The following CNR1 variants were observed in gnomAD, a reference collection of about 807,000 sequenced individuals.
CNR1 encodes cannabinoid receptor 1 (brain).
CNR1 carries 10 observed loss-of-function variants against 23.0 expected under a neutral mutation model. The observed-to-expected ratio is 0.43, with a 90% CI of 0.27 to 0.74. The LOEUF is 0.74. CNR1 is among the 30% of genes least tolerant of loss of function. The probability of loss-of-function intolerance (pLI) is 0.19; values close to 1 mark genes in which losing one functional copy is unlikely to be tolerated. For missense variants in CNR1, 422 were observed against 618.8 expected (o/e 0.68, Z 3.37); for synonymous variants, 271 against 255.2 (o/e 1.06, Z -0.59).
In CNR1 at chr6:88,143,068, A is replaced by T. The variant is rs141630645; in HGVS notation, c.*788T>A. The T allele has an allele frequency of 6.6e-6, 1 of 152,490 alleles. No homozygotes were observed. The highest frequency in any genetic ancestry group is 1.5e-5 in the Non-Finnish European group (1 of 68,046). The allele number at this position is 152,490 out of a possible 1,614,324, so 9.4% of individuals were successfully genotyped here. On this transcript the variant is annotated 3_prime_UTR_variant, in exon 2 of 2. Coordinates refer to ENST00000369501, the MANE Select transcript of CNR1 (RefSeq NM_016083.6). The stretch of plus-strand genomic sequence containing the variant: ...TCTTCCATTCTGATTATAATCCATT[A>T]GAACAGCTATAGTCCAGAAGATAAT...
intron 1 of CNR1, among the ~76,000 whole-genome samples, chr6:88,149,541 C>T (rs961280237): frequency 6.6e-6 from 1 of 152,200 alleles, no homozygotes; most frequent in Non-Finnish European, 1.5e-5. Context: ...CTTACATGGT[C>T]CTTGCACATC....
chr6:88,143,868 G>A lies in CNR1; in HGVS notation c.1407C>T (p.Ala469=), dbSNP rs776465774. ...VTMSVSTDTS[A]EAL is the part of the protein sequence containing the mutation. ...GGAGGCATCAGGCTCACAGAGCCTC[G>A]GCAGACGTGTCTGTGGACACAGACA... is the stretch of plus-strand genomic sequence containing the variant. The change falls in exon 2 of 2, where the codon GCC becomes GCT. Residue 469 remains alanine, a synonymous_variant. Coordinates refer to ENST00000369501, the MANE Select transcript of CNR1 (RefSeq NM_016083.6). The A allele has an allele frequency of 5.0e-5, 80 of 1,612,836 alleles. No individual in the cohort carries two copies. The Admixed American group carries it at 8.5e-4, about 17-fold the overall frequency.
rs2127824070 is a variant in CNR1, at chr6:88,143,193, A to C, written c.*663T>G. ...CAAATTCTTCTTGTTGAGGTAACAG[A>C]AAAATAAACCTTTACGGTTATTTCA... On this transcript the variant is annotated 3_prime_UTR_variant, in exon 2 of 2. Transcript: ENST00000369501. The C allele has an allele frequency of 6.6e-6, 1 of 152,530 alleles. No individual in the cohort carries two copies. Among genetic ancestry groups the C allele is most frequent in the Admixed American group, 6.5e-5 (1 of 15,304 alleles). 9.4% of individuals were successfully genotyped at this position (152,530 alleles called of 1,614,324 possible).
rs1393073374 is a variant in CNR1 at position 88,145,674 on chromosome 6, C to G, written c.-63-337G>C. Among the ~76,000 whole-genome samples the G allele has an allele frequency of 9.0e-4, 137 of 152,206 alleles. 2 individuals are homozygous for G. The highest frequency in any genetic ancestry group is 9.0e-3 in the Admixed American group (137 of 15,276). On this transcript the variant is annotated intron_variant, in intron 1 of 1. Coordinates refer to ENST00000369501, the MANE Select transcript of CNR1 (RefSeq NM_016083.6). Reference sequence around the variant, plus strand: ...TGTTTCTTGGGGACAATGTCCATTTCATAGTCACGTTAGGAAGTGTTTAGC... The same window carrying G: ...TGTTTCTTGGGGACAATGTCCATTTGATAGTCACGTTAGGAAGTGTTTAGC...
chr6:88,144,390 C>T lies in CNR1; in HGVS notation c.885G>A (p.Met295Ile). ...VLLLFIVYAY[M>I]YILWKAHSHA... ...GGCTGTGAGCCTTCCAGAGAATATA[C>T]ATGTACGCATACACGATGAACAGAA... is the stretch of plus-strand genomic sequence containing the variant. Residue 295 changes from methionine (M) to isoleucine (I), a missense_variant, in exon 2 of 2, where the codon ATG (methionine) becomes ATA (isoleucine). This residue lies in a region of CNR1 where 211 missense variants were observed against 357.3 expected (regional missense o/e 0.59). Transcript: ENST00000369501. The surrounding 1 kb of genome is among the most constrained non-coding windows in gnomAD (Gnocchi z 7.8). 6.2e-7 allele frequency: 1 copy of T among 1,614,090 alleles called. No individual in the cohort carries two copies. Among genetic ancestry groups the T allele is most frequent in the Non-Finnish European group, 8.5e-7 (1 of 1,180,044 alleles).
At position 88,143,811 on chromosome 6, in the gene CNR1, TAAA is replaced by T; in HGVS notation, c.*42_*44del. 8.1e-7 allele frequency: 1 copy of T among 1,234,332 alleles called. No homozygotes were observed. Among genetic ancestry groups the T allele is most frequent in the Non-Finnish European group, 1.1e-6 (1 of 901,038 alleles). 76.5% of individuals were successfully genotyped at this position (1,234,332 alleles called of 1,614,324 possible). On this transcript the variant is annotated 3_prime_UTR_variant, in exon 2 of 2. Transcript: ENST00000369501. ...AATAGACTCTTCTAGATTTTGAGCT[TAAA>T]AAAAAAAATTCTTTTCCTGTGCTGC...
At chr6:88,149,083 A>G (rs1777377214) in intron 1 of CNR1, among the ~76,000 whole-genome samples, 1 of 152,228 alleles carries the variant, frequency 6.6e-6, no homozygotes, top group Non-Finnish European at 1.5e-5. Flanking sequence ...GGTACAAGCC[A>G]CACAGAGGCA....
chr6:88,165,174 A>G (rs1446744059), intron 1 of CNR1, among the ~76,000 whole-genome samples: 1 of 152,236 alleles, frequency 6.6e-6, no homozygotes, highest in Non-Finnish European at 1.5e-5. Context: ...TACAGCAAAC[A>G]TATTTTTATT....
intron 1 of CNR1, among the ~76,000 whole-genome samples, chr6:88,154,792 C>T (rs947224807): frequency 2.0e-5 from 3 of 151,986 alleles, no homozygotes; most frequent in Non-Finnish European, 2.9e-5. Flanking sequence ...TTTGCTGGGC[C>T]GGCCTTGAAC....
At chr6:88,161,885 A>G (rs1313229512) in intron 1 of CNR1, among the ~76,000 whole-genome samples, 2 of 152,168 alleles carry the variant, frequency 1.3e-5, no homozygotes, top group Non-Finnish European at 2.9e-5. Context: ...ATATATAAAA[A>G]CTATAACTAT....
intron 1 of CNR1, among the ~76,000 whole-genome samples, chr6:88,165,207 T>G (rs1778306683): frequency 6.6e-6 from 1 of 152,212 alleles, no homozygotes; most frequent in Non-Finnish European, 1.5e-5. Context: ...CGTTTATGAT[T>G]TGTAAGCCTT....
intron 1 of CNR1, among the ~76,000 whole-genome samples, chr6:88,147,969 C>T (rs1777296729): frequency 6.6e-6 from 1 of 152,208 alleles, no homozygotes. Context: ...ACCTGTCTCC[C>T]TAAACAGGAT....
rs1776976754 is a variant in CNR1 at position 88,143,895 on chromosome 6, G to T, written c.1380C>A (p.Thr460=). 6.2e-7 allele frequency: 1 copy of T among 1,614,084 alleles called. No homozygotes were observed. Among genetic ancestry groups the T allele is most frequent in the Non-Finnish European group, 8.5e-7 (1 of 1,179,990 alleles). Residue 460 remains threonine, a synonymous_variant, in exon 2 of 2, where the codon ACC becomes ACA. Transcript: ENST00000369501. ...CAGACGTGTCTGTGGACACAGACAT[G>T]GTTACCTTGGCAATCTTGACCGTGC... The part of the protein sequence containing the change: ...IKSTVKIAKV[T]MSVSTDTSAE...
chr6:88,142,265 T>C lies in CNR1; in HGVS notation c.*1591A>G, dbSNP rs1224535660. The C allele has an allele frequency of 1.3e-5, 2 of 152,406 alleles. No homozygotes were observed. The highest frequency in any genetic ancestry group is 2.9e-5 in the Non-Finnish European group (2 of 68,060). 9.4% of individuals were successfully genotyped at this position (152,406 alleles called of 1,614,324 possible). ...TTCTTCACTGCCGTTGTGTGTCTCA[T>C]CCACTGTCTGATTCAGCTTTTTTAG... On this transcript the variant is annotated 3_prime_UTR_variant, in exon 2 of 2. Coordinates refer to ENST00000369501, the MANE Select transcript of CNR1 (RefSeq NM_016083.6).
rs1431817669 is a variant in CNR1 at position 88,144,786 on chromosome 6, G to A, written c.489C>T (p.Asp163=). Residue 163 remains aspartate (D), a synonymous_variant, in exon 2 of 2, where the codon GAC becomes GAT. Transcript: ENST00000369501. This position sits in a 1 kb window ranked among gnomAD's most constrained non-coding sequence, Gnocchi z 7.8. The part of the protein sequence containing the change: ...YHFIGSLAVA[D]LLGSVIFVYS... ...AGACAAAAATGACACTCCCCAGGAG[G>A]TCTGCCACCGCCAGGCTGCCGATGA... is the stretch of plus-strand genomic sequence containing the variant. 2 of 1,614,036 alleles carry A rather than the reference G, an allele frequency of 1.2e-6. No homozygotes were observed. The highest frequency in any genetic ancestry group is 2.2e-5 in the East Asian group (1 of 44,902).
chr6:88,142,618 A>G lies in CNR1; in HGVS notation c.*1238T>C, dbSNP rs1195280610. ...AAATTTTTGAATGGTTGGAGTCAGT[A>G]TTTTTATCAACAAGATTACAGGAAG... On this transcript the variant is annotated 3_prime_UTR_variant, in exon 2 of 2. Coordinates refer to ENST00000369501, the MANE Select transcript of CNR1 (RefSeq NM_016083.6). 6.6e-6 allele frequency: 1 copy of G among 152,454 alleles called. No individual in the cohort carries two copies. Among genetic ancestry groups the G allele is most frequent in the Non-Finnish European group, 1.5e-5 (1 of 68,032 alleles). The allele number at this position is 152,454 out of a possible 1,614,324, so 9.4% of individuals were successfully genotyped here.
Position 88,143,919 on chromosome 6 carries a change from G to A in CNR1, c.1356C>T (p.Ser452=), listed in dbSNP as rs1776980498. The change falls in exon 2 of 2, where the codon AGC becomes AGT. Residue 452 remains serine (S), a synonymous_variant. Coordinates refer to ENST00000369501, the MANE Select transcript of CNR1 (RefSeq NM_016083.6). ...TGGTTACCTTGGCAATCTTGACCGT[G>A]CTCTTGATGCAGCTTTCTGCGGCCC... ...VHRAAESCIK[S]TVKIAKVTMS... 6.2e-7 allele frequency: 1 copy of A among 1,614,118 alleles called. No homozygotes were observed.
intron 1 of CNR1, among the ~76,000 whole-genome samples, chr6:88,160,157 G>A (rs1320099526): frequency 2.6e-5 from 4 of 151,954 alleles, no homozygotes; most frequent in South Asian, 2.1e-4. Context: ...GTGAAACCCC[G>A]TCTGCACGAA....
rs1002327641 is a variant in CNR1 at position 88,152,288 on chromosome 6, A to G, written c.-63-6951T>C. On this transcript the variant is annotated intron_variant, in intron 1 of 1. Transcript: ENST00000369501. ...ATAGTAATTAAGACTACCTGCTACT[A>G]AATCCCTATTTCCTATCAAAGCTCA... 2.0e-5 allele frequency among the ~76,000 whole-genome samples: 3 copies of G among 152,114 alleles called. No individual in the cohort carries two copies. In the East Asian group the frequency reaches 5.8e-4, roughly 29 times the overall value.
Sources: gnomAD v4.1 joint callset for allele counts (sites outside exome capture counted in the v4.1 genomes callset) on GRCh38, gnomAD v4.1.1 for gene constraint, gnomAD v4.1.1 regional missense constraint, Gnocchi (gnomAD v3.1) non-coding constraint, MANE v1.5 for transcripts, NCBI Gene and HGNC (gene_info 2026-07-23, HGNC 2026-07-21) for gene names.